AUTS2: variants seen among roughly 807,000 people sequenced by gnomAD.
AUTS2 encodes the protein autism susceptibility gene 2 protein.
A neutral mutation model predicts 112.4 loss-of-function variants in AUTS2; 17 were observed. The observed-to-expected ratio is 0.15, with a 90% confidence interval of 0.10 to 0.23. AUTS2 has a LOEUF of 0.23. AUTS2 is among the 10% of genes least tolerant of loss of function. The probability of loss-of-function intolerance (pLI) is 1.00; values close to 1 mark genes in which losing one functional copy is unlikely to be tolerated. For missense variants in AUTS2, 1,510 were observed against 1,701.6 expected (o/e 0.89, Z 1.98); for synonymous variants, 751 against 702.7 (o/e 1.07, Z -1.09).
At chr7:70,167,393 A>C (rs1488774364) in intron 4 of AUTS2, among the ~76,000 whole-genome samples, 2 of 152,068 alleles carry the variant, frequency 1.3e-5, no homozygotes, top group Non-Finnish European at 2.9e-5. Context: ...GCCTATGTAC[A>C]CAATAACAGA....
Position 70,696,152 on chromosome 7 carries a change from C to G in AUTS2, c.691-2417C>G, listed in dbSNP as rs993888231. 9.2e-5 allele frequency among the ~76,000 whole-genome samples: 14 copies of G among 152,162 alleles called. No individual in the cohort carries two copies. In the East Asian group the frequency reaches 1.5e-3, roughly 17 times the overall value. ...GGAACAAATCATTTGTACAAATGCCCTAAAACCCTAAGTAGAAGGAAAGTT... is the reference window on the plus strand; with the variant it reads ...GGAACAAATCATTTGTACAAATGCCGTAAAACCCTAAGTAGAAGGAAAGTT... On this transcript the variant is annotated intron_variant, in intron 5 of 18. Transcript: ENST00000342771.
At chr7:70,049,278 G>A (rs546988050) in intron 2 of AUTS2, among the ~76,000 whole-genome samples, 10 of 151,984 alleles carry the variant, frequency 6.6e-5, no homozygotes, top group Non-Finnish European at 1.2e-4. Flanking sequence ...AGAATACTTC[G>A]GTGAAAGGAA....
chr7:69,825,208 T>C lies in AUTS2; in HGVS notation c.310-74078T>C, dbSNP rs561034301. Reference sequence around the variant, plus strand: ...TCTTCTGTTATGCATTACTGCCATCTGTCAGTATGAGAGAAAGCTTCCTGG... The same window carrying C: ...TCTTCTGTTATGCATTACTGCCATCCGTCAGTATGAGAGAAAGCTTCCTGG... On this transcript the variant is annotated intron_variant, in intron 1 of 18. Transcript: ENST00000342771. Among the ~76,000 whole-genome samples, 39 of 152,334 alleles carry C rather than the reference T, an allele frequency of 2.6e-4. No homozygotes were observed. The South Asian group carries it at 7.9e-3, about 31-fold the overall frequency.
intron 4 of AUTS2, among the ~76,000 whole-genome samples, chr7:70,197,097 A>G (rs1422250632): frequency 6.6e-6 from 1 of 152,180 alleles, no homozygotes; most frequent in African/African-American, 2.4e-5. Context: ...CATTTGCGAC[A>G]TGTGGTAAAA....
chr7:70,060,564 T>C (rs1802197640), intron 2 of AUTS2, among the ~76,000 whole-genome samples: 1 of 152,238 alleles, frequency 6.6e-6, no homozygotes, highest in East Asian at 1.9e-4. Flanking sequence ...CAGTTACTGT[T>C]AATTCAACAC....
chr7:70,449,801 A>G (rs186275867), intron 5 of AUTS2, among the ~76,000 whole-genome samples: 11 of 152,324 alleles, frequency 7.2e-5, no homozygotes, highest in Admixed American at 7.2e-4. Flanking sequence ...AATACACAGG[A>G]TTTTGTAGAG....
chr7:70,730,851 A>T (rs991070662), intron 6 of AUTS2, among the ~76,000 whole-genome samples: 1 of 152,194 alleles, frequency 6.6e-6, no homozygotes, highest in Admixed American at 6.5e-5. Flanking sequence ...GTGACTGCTC[A>T]GTTTTTCATT....
chr7:70,362,913 T>C (rs1216463886), intron 4 of AUTS2, among the ~76,000 whole-genome samples: 1 of 152,184 alleles, frequency 6.6e-6, no homozygotes, highest in Non-Finnish European at 1.5e-5. Flanking sequence ...GAGAGGCAGG[T>C]ACTCTGCAGT....
chr7:69,925,117 G>A (rs562237225), intron 2 of AUTS2, among the ~76,000 whole-genome samples: 1 of 151,960 alleles, frequency 6.6e-6, no homozygotes, highest in East Asian at 1.9e-4. Flanking sequence ...AGAATCTATG[G>A]CAATTCTATA....
chr7:70,312,987 G>A (rs1789830633), intron 4 of AUTS2, among the ~76,000 whole-genome samples: 1 of 152,192 alleles, frequency 6.6e-6, no homozygotes. Flanking sequence ...ATTGATTTGG[G>A]AGTAAAAGAA....
Position 70,224,394 on chromosome 7 carries a change from CAATACAATAT to C in AUTS2, c.660+89829_660+89838del, listed in dbSNP as rs775333528. ...CAATACAATACAATACAATACAATA[CAATACAATAT>C]AATACCATACAATACAATTTAATAA... On this transcript the variant is annotated intron_variant, in intron 4 of 18. Transcript: ENST00000342771. Among the ~76,000 whole-genome samples, 278 of 121,522 alleles carry C rather than the reference CAATACAATAT, an allele frequency of 2.3e-3. 1 individual carries two copies. Among genetic ancestry groups the C allele is most frequent in the Non-Finnish European group, 2.6e-3 (136 of 52,728 alleles). 79.7% of individuals were successfully genotyped at this position (121,522 alleles called of 152,430 possible). A position where few individuals can be genotyped will look rare whatever the true frequency, so the allele number is the denominator to read the frequency against.
chr7:69,820,411 T>G (rs541641484), intron 1 of AUTS2, among the ~76,000 whole-genome samples: 1 of 152,376 alleles, frequency 6.6e-6, no homozygotes, highest in African/African-American at 2.4e-5. Flanking sequence ...TTGCAGATTT[T>G]GGGGCATCGC....
chr7:70,516,702 A>G (rs1265294887), intron 5 of AUTS2, among the ~76,000 whole-genome samples: 1 of 152,242 alleles, frequency 6.6e-6, no homozygotes, highest in African/African-American at 2.4e-5. Context: ...AATGTTTGCT[A>G]CATATGAATA....
intron 4 of AUTS2, among the ~76,000 whole-genome samples, chr7:70,194,998 G>C (rs1048326380): frequency 3.3e-5 from 5 of 152,116 alleles, no homozygotes; most frequent in Non-Finnish European, 7.4e-5. Context: ...CTTTGGGCCT[G>C]GCTTTCTCAA....
intron 5 of AUTS2, among the ~76,000 whole-genome samples, chr7:70,446,851 G>C (rs911212561): frequency 1.3e-5 from 2 of 152,172 alleles, no homozygotes; most frequent in African/African-American, 4.8e-5. Context: ...CCCTGAGAAA[G>C]AAGCAGGGAA....
chr7:70,145,540 A>G (rs1385569710), intron 4 of AUTS2, among the ~76,000 whole-genome samples: 1 of 152,168 alleles, frequency 6.6e-6, no homozygotes, highest in Non-Finnish European at 1.5e-5. Flanking sequence ...AGTTTGATAC[A>G]GTATTTATGT....
chr7:70,228,008 G>A (rs1811855346), intron 4 of AUTS2, among the ~76,000 whole-genome samples: 2 of 151,988 alleles, frequency 1.3e-5, no homozygotes, highest in East Asian at 1.9e-4. Flanking sequence ...ATTATTTAGA[G>A]TGGTATATCA....
intron 5 of AUTS2, among the ~76,000 whole-genome samples, chr7:70,441,374 C>T (rs1412594535): frequency 6.6e-6 from 1 of 152,182 alleles, no homozygotes. Flanking sequence ...TCTTTCCACA[C>T]ACTTTTTGGT....
At chr7:69,776,843 TA>T (rs547416506) in intron 1 of AUTS2, among the ~76,000 whole-genome samples, 2 of 152,044 alleles carry the variant, frequency 1.3e-5, no homozygotes, top group African/African-American at 4.8e-5. Context: ...TGTTGTTCTT[TA>T]AAAAAAATAT....
Sources: gnomAD v4.1 joint callset for allele counts (sites outside exome capture counted in the v4.1 genomes callset) on GRCh38, gnomAD v4.1.1 for gene constraint, MANE v1.5 for transcripts, NCBI Gene and HGNC (gene_info 2026-07-23, HGNC 2026-07-21) for gene names.